CCDC178: variants seen among roughly 807,000 people sequenced by gnomAD.
CCDC178 encodes the protein coiled-coil domain-containing protein 178.
Under a neutral mutation model 117.4 loss-of-function variants are expected in CCDC178, and 126 were observed. The observed-to-expected ratio is 1.07, with a 90% CI of 0.93 to 1.24. The LOEUF is 1.24. CCDC178 is among the 50% of genes most tolerant of loss of function. The pLI is 0.00. For missense variants in CCDC178, 1,030 were observed against 986.9 expected, an observed-to-expected ratio of 1.04 and a Z score of -0.59; for synonymous variants, 283 against 313.4, an observed-to-expected ratio of 0.90 and a Z score of 1.02.
chr18:33,234,405 T>C (rs1187379799), intron 15 of CCDC178, among the ~76,000 whole-genome samples: 1 of 151,992 alleles, frequency 6.6e-6, no homozygotes. Flanking sequence ...AGAATCTTAG[T>C]AAACGAAGAC....
At chr18:33,267,320 C>T (rs1188141066) in intron 12 of CCDC178, 23 bp from the exon 13 acceptor site, 1 of 1,363,768 alleles carries the variant, frequency 7.3e-7, no homozygotes, top group Non-Finnish European at 1.0e-6. Context: ...ATATACAGAA[C>T]AAAGTGAATT....
chr18:33,311,249 C>T (rs1599142434), intron 11 of CCDC178, among the ~76,000 whole-genome samples: 1 of 152,144 alleles, frequency 6.6e-6, no homozygotes. Flanking sequence ...CCCATAAGTA[C>T]AAGACAAACA....
intron 21 of CCDC178, among the ~76,000 whole-genome samples, chr18:33,021,175 C>T (rs1458323416): frequency 6.6e-6 from 1 of 152,128 alleles, no homozygotes; most frequent in African/African-American, 2.4e-5. Context: ...AATCAGATGA[C>T]TAAAGAAAAC....
At chr18:33,290,705 C>T (rs2060155674) in intron 12 of CCDC178, among the ~76,000 whole-genome samples, 1 of 151,848 alleles carries the variant, frequency 6.6e-6, no homozygotes, top group South Asian at 2.1e-4. Context: ...TAATTAACAC[C>T]CATTATGGAA....
intron 21 of CCDC178, among the ~76,000 whole-genome samples, chr18:33,043,672 C>T (rs572452455): frequency 2.3e-4 from 35 of 152,020 alleles, no homozygotes; most frequent in African/African-American, 8.0e-4. Flanking sequence ...GTATCAAATG[C>T]TCCAAGACAC....
chr18:33,224,524 A>ATAAG (rs1568069028), intron 17 of CCDC178, among the ~76,000 whole-genome samples: 1 of 152,110 alleles, frequency 6.6e-6, no homozygotes, highest in Admixed American at 6.6e-5. Flanking sequence ...TTCACACCAG[A>ATAAG]TAAGTCACTA....
At chr18:33,149,503 C>T (rs958024685) in intron 20 of CCDC178, among the ~76,000 whole-genome samples, 5 of 152,166 alleles carry the variant, frequency 3.3e-5, no homozygotes, top group Non-Finnish European at 7.3e-5. Context: ...TTCTCTTCAG[C>T]AGTTTTAGAA....
chr18:33,351,914 T>C (rs557413809), intron 7 of CCDC178, among the ~76,000 whole-genome samples: 1 of 152,362 alleles, frequency 6.6e-6, no homozygotes, highest in Non-Finnish European at 1.5e-5. Flanking sequence ...GGTTTCACTA[T>C]CATGTTATTG....
intron 20 of CCDC178, among the ~76,000 whole-genome samples, chr18:33,119,590 C>G (rs1470437225): frequency 2.0e-5 from 3 of 152,130 alleles, no homozygotes; most frequent in African/African-American, 4.8e-5. Flanking sequence ...GTTGGTGGGA[C>G]TGCAAACTAG....
At chr18:33,158,511 A>T (rs2144370740) in intron 20 of CCDC178, among the ~76,000 whole-genome samples, 1 of 152,214 alleles carries the variant, frequency 6.6e-6, no homozygotes, top group African/African-American at 2.4e-5. Flanking sequence ...TTTATAAACA[A>T]TATGCATTAT....
At chr18:33,200,951 C>A (rs2058984180) in intron 20 of CCDC178, among the ~76,000 whole-genome samples, 1 of 152,152 alleles carries the variant, frequency 6.6e-6, no homozygotes, top group Non-Finnish European at 1.5e-5. Flanking sequence ...GAACAAAAAT[C>A]AATATAGTTT....
intron 21 of CCDC178, among the ~76,000 whole-genome samples, chr18:32,989,142 T>C (rs1295863286): frequency 3.3e-5 from 5 of 152,146 alleles, no homozygotes; most frequent in South Asian, 2.1e-4. Context: ...AAAACTAATA[T>C]CCAATAAATG....
intron 5 of CCDC178, among the ~76,000 whole-genome samples, chr18:33,388,417 G>A (rs1276848248): frequency 6.6e-6 from 1 of 151,074 alleles, no homozygotes; most frequent in African/African-American, 2.4e-5. Context: ...CATGTGTTAT[G>A]TTCAGTGCAG....
At chr18:33,219,577 C>A (rs2144614441) in intron 18 of CCDC178, among the ~76,000 whole-genome samples, 1 of 152,174 alleles carries the variant, frequency 6.6e-6, no homozygotes, top group South Asian at 2.1e-4. Context: ...ACATATACAC[C>A]ATGGAATACT....
chr18:33,166,081 CA>C (rs369054219), intron 20 of CCDC178, among the ~76,000 whole-genome samples: 96 of 152,176 alleles, frequency 6.3e-4, no homozygotes, highest in African/African-American at 2.2e-3. Context: ...ACCATGAGCA[CA>C]AATGTCAACA....
At chr18:33,440,519 G>A (rs114868383) in intron 1 of CCDC178, 134 bp downstream of exon 1, 2,242 of 152,198 alleles carry the variant, frequency 0.015, 56 homozygotes, top group African/African-American at 0.051. Flanking sequence ...CTCCCTCAGG[G>A]TGGCCAGGGA....
intron 21 of CCDC178, among the ~76,000 whole-genome samples, chr18:33,031,368 A>G (rs369340009): frequency 2.2e-4 from 33 of 151,722 alleles, no homozygotes; most frequent in African/African-American, 8.0e-4. Context: ...CACCTCAGCC[A>G]CCTGAGTAGC....
At chr18:32,960,904 A>G (rs767186459) in intron 22 of CCDC178, among the ~76,000 whole-genome samples, 1 of 152,134 alleles carries the variant, frequency 6.6e-6, no homozygotes, top group Non-Finnish European at 1.5e-5. Flanking sequence ...GATTTTTCAG[A>G]TATCTTTTTA....
chr18:33,326,671 G>GT (rs370026418), intron 10 of CCDC178, among the ~76,000 whole-genome samples: 5 of 150,952 alleles, frequency 3.3e-5, no homozygotes, highest in East Asian at 2.0e-4. Context: ...TTGTTTTTGG[G>GT]TTTTTTTTCT....
Sources: gnomAD v4.1 joint callset for allele counts (sites outside exome capture counted in the v4.1 genomes callset) on GRCh38, gnomAD v4.1.1 for gene constraint, MANE v1.5 for transcripts, NCBI Gene and HGNC (gene_info 2026-07-23, HGNC 2026-07-21) for gene names.